The following CAMK1D variants were observed in gnomAD, a reference collection of about 807,000 sequenced individuals.
CAMK1D encodes calcium/calmodulin dependent protein kinase ID.
Under a neutral mutation model 47.7 loss-of-function variants are expected in CAMK1D, and 9 were observed. That is an observed-to-expected ratio of 0.19 (90% confidence interval 0.11 to 0.33). CAMK1D has a LOEUF of 0.33. Among genes scored for constraint, CAMK1D ranks in the 10% least tolerant of loss-of-function variants. The pLI is 1.00. For missense variants in CAMK1D, 291 were observed against 488.7 expected (o/e 0.60, Z 3.81); for synonymous variants, 184 against 184.9 (o/e 0.99, Z 0.04).
At position 12,666,720 on chromosome 10, in the gene CAMK1D, CTA is replaced by C. The variant is rs772568766; in HGVS notation, c.225-14_225-13del. On this transcript the variant is annotated splice_polypyrimidine_tract_variant and intron_variant, in intron 2 of 10. Transcript: ENST00000619168. The stretch of plus-strand genomic sequence containing the variant: ...TAATCATACTCACTATTTTGTGCGT[CTA>C]TTTTTTTTTTCAGGATTAAGCATGA... 1.6e-5 allele frequency: 25 copies of C among 1,590,700 alleles called. No homozygotes were observed. Among genetic ancestry groups the C allele is most frequent in the Admixed American group, 3.4e-5 (2 of 59,334 alleles).
At position 12,684,158 on chromosome 10, in the gene CAMK1D, G is replaced by A. The variant is rs180755104; in HGVS notation, c.299+17348G>A. ...GTGCTGCTTAAGACAAGTCAGAGAG[G>A]CCTGTGTGCAGGGACCCGGTTGCAG... On this transcript the variant is annotated intron_variant, in intron 3 of 10. Coordinates refer to ENST00000619168, the MANE Select transcript of CAMK1D (RefSeq NM_153498.4). Among the ~76,000 whole-genome samples, 324 of 152,274 alleles carry A rather than the reference G, an allele frequency of 2.1e-3. 1 individual carries two copies. The highest frequency in any genetic ancestry group is 7.1e-3 in the African/African-American group (297 of 41,568).
intron 2 of CAMK1D, among the ~76,000 whole-genome samples, chr10:12,652,961 TATAAC>T (rs1439201970): frequency 3.3e-5 from 5 of 152,226 alleles, no homozygotes; most frequent in Non-Finnish European, 7.3e-5. Flanking sequence ...TTCTATAACT[TATAAC>T]AAAATAGCTG....
intron 3 of CAMK1D, among the ~76,000 whole-genome samples, chr10:12,735,465 G>C (rs897261780): frequency 6.6e-6 from 1 of 152,102 alleles, no homozygotes; most frequent in African/African-American, 2.4e-5. Context: ...GCGACAGAGC[G>C]AGACTCCGTC....
chr10:12,586,562 C>G (rs896538488), intron 2 of CAMK1D, among the ~76,000 whole-genome samples: 5 of 151,924 alleles, frequency 3.3e-5, no homozygotes, highest in African/African-American at 1.2e-4. Context: ...TACCCATTCT[C>G]CAAAACTAGT....
At chr10:12,507,635 A>G (rs1834915983) in intron 1 of CAMK1D, among the ~76,000 whole-genome samples, 1 of 152,140 alleles carries the variant, frequency 6.6e-6, no homozygotes, top group Non-Finnish European at 1.5e-5. Context: ...ATGCTTGTTC[A>G]CATTGCACAG....
chr10:12,638,269 G>T (rs540756784), intron 2 of CAMK1D, among the ~76,000 whole-genome samples: 23 of 152,182 alleles, frequency 1.5e-4, no homozygotes, highest in Non-Finnish European at 3.1e-4. Flanking sequence ...CTCTTTAGCA[G>T]CTGGGCGTGG....
intron 1 of CAMK1D, among the ~76,000 whole-genome samples, chr10:12,441,218 CAG>C: frequency 6.6e-6 from 1 of 152,296 alleles, no homozygotes; most frequent in East Asian, 1.9e-4. Flanking sequence ...CTTTCGGAGA[CAG>C]AGTCTCACAA....
chr10:12,385,264 A>G (rs1422215995), intron 1 of CAMK1D, among the ~76,000 whole-genome samples: 5 of 152,222 alleles, frequency 3.3e-5, no homozygotes, highest in East Asian at 1.9e-4. Flanking sequence ...TCTAAGAGAA[A>G]TGAAAATATG....
At position 12,433,550 on chromosome 10, in the gene CAMK1D, C is replaced by T. The variant is rs192196336; in HGVS notation, c.92+83640C>T. ...GCGGAATCTGGTGGTCAGAATGCAT[C>T]GAGTTTTGGAGTGGTTTCTCAGGAT... On this transcript the variant is annotated intron_variant, in intron 1 of 10. Transcript: ENST00000619168. Among the ~76,000 whole-genome samples the T allele has an allele frequency of 1.3e-4, 20 of 152,228 alleles. No homozygotes were observed. The East Asian group carries it at 2.3e-3, about 18-fold the overall frequency.
chr10:12,543,659 GT>G (rs1836271414), intron 1 of CAMK1D, among the ~76,000 whole-genome samples: 1 of 152,186 alleles, frequency 6.6e-6, no homozygotes, highest in Non-Finnish European at 1.5e-5. Flanking sequence ...TTCAATGTCT[GT>G]TTTTAGCCAA....
At chr10:12,752,288 G>A (rs1050338243) in intron 3 of CAMK1D, among the ~76,000 whole-genome samples, 4 of 152,164 alleles carry the variant, frequency 2.6e-5, no homozygotes, top group East Asian at 1.9e-4. Flanking sequence ...GAGCCACCGC[G>A]CTGGCCAGAT....
intron 3 of CAMK1D, among the ~76,000 whole-genome samples, chr10:12,691,741 G>A (rs1341241179): frequency 2.6e-5 from 4 of 151,896 alleles, no homozygotes; most frequent in African/African-American, 9.7e-5. Flanking sequence ...ATGAGCCACC[G>A]CATCTGCTCC....
chr10:12,514,904 G>A (rs370729703), intron 1 of CAMK1D, among the ~76,000 whole-genome samples: 6 of 152,276 alleles, frequency 3.9e-5, no homozygotes, highest in African/African-American at 1.4e-4. Flanking sequence ...AGGCTGGAAC[G>A]CAGTGGTATA....
At chr10:12,401,683 G>C (rs1416567518) in intron 1 of CAMK1D, among the ~76,000 whole-genome samples, 5 of 151,888 alleles carry the variant, frequency 3.3e-5, no homozygotes, top group Non-Finnish European at 5.9e-5. Flanking sequence ...GAGGAGGTGA[G>C]CTGGGCCTGT....
chr10:12,535,991 T>C (rs6602593), intron 1 of CAMK1D, among the ~76,000 whole-genome samples: 70,331 of 152,050 alleles, frequency 0.46, 16,921 homozygotes, highest in East Asian at 0.73. Context: ...GGATGCTGTA[T>C]GTAAACCTGG....
chr10:12,688,552 C>T (rs1832744817), intron 3 of CAMK1D, among the ~76,000 whole-genome samples: 1 of 152,030 alleles, frequency 6.6e-6, no homozygotes, highest in Non-Finnish European at 1.5e-5. Flanking sequence ...CCTTGTGAAC[C>T]CTAAGATCCA....
chr10:12,648,412 G>T (rs1005762331), intron 2 of CAMK1D, among the ~76,000 whole-genome samples: 6 of 152,182 alleles, frequency 3.9e-5, no homozygotes, highest in African/African-American at 1.2e-4. Context: ...TTGATGATCA[G>T]TAATGGCTAC....
At position 12,796,894 on chromosome 10, in the gene CAMK1D, G is replaced by GA. The variant is rs1288291335; in HGVS notation, c.641+5662dup. ...TGATTCACAGTAACTAGACTCAGAGGAGAAAAAAAAAGACTGGACTGTCCA... is the reference window on the plus strand; with the variant it reads ...TGATTCACAGTAACTAGACTCAGAGGAAGAAAAAAAAAGACTGGACTGTCCA... On this transcript the variant is annotated intron_variant, in intron 6 of 10. Transcript: ENST00000619168. 1.2e-3 allele frequency among the ~76,000 whole-genome samples: 183 copies of GA among 151,610 alleles called. 3 individuals carry two copies. Among genetic ancestry groups the GA allele is most frequent in the African/African-American group, 4.3e-3 (178 of 41,440 alleles).
intron 1 of CAMK1D, among the ~76,000 whole-genome samples, chr10:12,412,756 T>A (rs1839708325): frequency 6.6e-6 from 1 of 150,636 alleles, no homozygotes; most frequent in African/African-American, 2.4e-5. Context: ...AGTCTTAAGT[T>A]GTAGCAGATG....
Sources: gnomAD v4.1 joint callset for allele counts (sites outside exome capture counted in the v4.1 genomes callset) on GRCh38, gnomAD v4.1.1 for gene constraint, MANE v1.5 for transcripts, NCBI Gene and HGNC (gene_info 2026-07-23, HGNC 2026-07-21) for gene names.